The following ESR1 variants were observed in gnomAD, a reference collection of about 807,000 sequenced individuals.
The protein encoded by ESR1 is estrogen receptor.
In ESR1, 12 loss-of-function variants were observed where a neutral mutation model predicts 52.7. The observed-to-expected ratio is 0.23, with a 90% CI of 0.15 to 0.37. The LOEUF (loss-of-function observed/expected upper bound fraction) is 0.37. Among genes scored for constraint, ESR1 ranks in the 10% least tolerant of loss-of-function variants. ESR1 has a pLI of 1.00. For missense variants in ESR1, 584 were observed against 779.7 expected, an observed-to-expected ratio of 0.75 and a Z score of 2.99; for synonymous variants, 305 against 316.8, an observed-to-expected ratio of 0.96 and a Z score of 0.39.
At chr6:151,955,517 C>G (rs966770264) in intron 4 of ESR1, among the ~76,000 whole-genome samples, 1 of 152,018 alleles carries the variant, frequency 6.6e-6, no homozygotes, top group Non-Finnish European at 1.5e-5. Flanking sequence ...TTTCTCTTAT[C>G]TAAAACTTTA....
intron 6 of ESR1, among the ~76,000 whole-genome samples, chr6:152,080,026 T>A (rs2049061654): frequency 1.3e-5 from 2 of 152,270 alleles, no homozygotes; most frequent in East Asian, 1.9e-4. Context: ...ATTGGTGTAC[T>A]GGGAAGTGAT....
chr6:152,086,551 A>G lies in ESR1; in HGVS notation c.1370-7834A>G, dbSNP rs142907325. ...CATGTAAGATTTTTTTCTCAAGTCA[A>G]CTGAACCAGTTCATCAGTTTCACTA... On this transcript the variant is annotated intron_variant, in intron 6 of 7. Coordinates refer to ENST00000206249, the MANE Select transcript of ESR1 (RefSeq NM_000125.4). Among the ~76,000 whole-genome samples the G allele has an allele frequency of 8.0e-4, 121 of 151,470 alleles. 1 individual carries two copies. Among genetic ancestry groups the G allele is most frequent in the African/African-American group, 2.7e-3 (110 of 41,256 alleles).
At chr6:151,851,320 C>T (rs1034474616) in intron 2 of ESR1, among the ~76,000 whole-genome samples, 1 of 152,042 alleles carries the variant, frequency 6.6e-6, no homozygotes, top group African/African-American at 2.4e-5. Flanking sequence ...CCTGGGACCT[C>T]GATATTAGTT....
At chr6:151,853,221 AAGAAAGAAAG>A (rs1333325024) in intron 2 of ESR1, among the ~76,000 whole-genome samples, 4 of 150,018 alleles carry the variant, frequency 2.7e-5, no homozygotes, top group Non-Finnish European at 5.9e-5. Flanking sequence ...AAGAAGGAAA[AAGAAAGAAAG>A]AGAAAGAAAG....
chr6:152,047,054 C>A (rs1251619113), intron 5 of ESR1, among the ~76,000 whole-genome samples: 1 of 152,160 alleles, frequency 6.6e-6, no homozygotes, highest in Non-Finnish European at 1.5e-5. Flanking sequence ...TGGAATATCT[C>A]CAAACATCTT....
At chr6:151,702,292 C>T (rs1779857186) in intron 2 of ESR1, among the ~76,000 whole-genome samples, 1 of 152,074 alleles carries the variant, frequency 6.6e-6, no homozygotes, top group African/African-American at 2.4e-5. Context: ...AGAGGTTAAC[C>T]AATTTATTTA....
intron 1 of ESR1, among the ~76,000 whole-genome samples, chr6:151,827,474 G>T (rs1562448870): frequency 6.6e-6 from 1 of 152,082 alleles, no homozygotes; most frequent in African/African-American, 2.4e-5. Flanking sequence ...CCAATTAAAG[G>T]TTTGAAAGAG....
chr6:151,743,364 T>C (rs1015721610), intron 2 of ESR1, among the ~76,000 whole-genome samples: 10 of 152,206 alleles, frequency 6.6e-5, no homozygotes, highest in Admixed American at 4.6e-4. Flanking sequence ...AGCAATTTCA[T>C]GTGCAAAGTA....
chr6:151,857,308 T>TA (rs1470805039), intron 2 of ESR1, among the ~76,000 whole-genome samples: 1 of 152,188 alleles, frequency 6.6e-6, no homozygotes, highest in Non-Finnish European at 1.5e-5. Context: ...AGAGATGTTT[T>TA]AAGCTATATG....
intron 4 of ESR1, among the ~76,000 whole-genome samples, chr6:151,981,160 T>A (rs1011711482): frequency 6.6e-6 from 1 of 152,144 alleles, no homozygotes; most frequent in Non-Finnish European, 1.5e-5. Flanking sequence ...ATCTGTGGAG[T>A]GGTTCTAGTC....
At position 151,807,811 on chromosome 6, in the gene ESR1, G is replaced by A; in HGVS notation, c.-102G>A. 9.4e-7 allele frequency: 1 copy of A among 1,060,904 alleles called. No individual in the cohort carries two copies. 65.7% of individuals were successfully genotyped at this position (1,060,904 alleles called of 1,614,324 possible). A position where few individuals can be genotyped will look rare whatever the true frequency, so the allele number is the denominator to read the frequency against. On this transcript the variant is annotated 5_prime_UTR_variant, in exon 1 of 8. Coordinates refer to ENST00000206249, the MANE Select transcript of ESR1 (RefSeq NM_000125.4). ...GTGTCGGCGGGACATGCGCTGCGTC[G>A]CCTCTAACCTCGGGCTGTGCTCTTT...
intron 4 of ESR1, among the ~76,000 whole-genome samples, chr6:151,996,358 A>G (rs2041482744): frequency 6.6e-6 from 1 of 151,894 alleles, no homozygotes; most frequent in Non-Finnish European, 1.5e-5. Context: ...TATGTGTTCT[A>G]TTTGTTCCTG....
intron 2 of ESR1, among the ~76,000 whole-genome samples, chr6:151,711,702 GTTGT>G (rs1197112978): frequency 2.0e-5 from 3 of 152,122 alleles, no homozygotes; most frequent in East Asian, 1.9e-4. Context: ...TTTTGATGGG[GTTGT>G]TTGTTTTCTT....
chr6:151,771,263 C>T (rs1785489916), intron 2 of ESR1, among the ~76,000 whole-genome samples: 1 of 152,148 alleles, frequency 6.6e-6, no homozygotes, highest in African/African-American at 2.4e-5. Flanking sequence ...TATTGTTGTC[C>T]TCCTGATGGG....
At chr6:151,924,241 C>T (rs1360718333) in intron 3 of ESR1, among the ~76,000 whole-genome samples, 1 of 152,036 alleles carries the variant, frequency 6.6e-6, no homozygotes, top group East Asian at 1.9e-4. Context: ...TGGGGTTTCA[C>T]CATATTGGCC....
chr6:152,028,644 G>A (rs749695512), intron 5 of ESR1, among the ~76,000 whole-genome samples: 112 of 152,316 alleles, frequency 7.4e-4, no homozygotes, highest in Admixed American at 1.4e-3. Context: ...CAAAGTGGCT[G>A]GGAAGCTGGA....
At chr6:151,992,021 G>C (rs1405391832) in intron 4 of ESR1, among the ~76,000 whole-genome samples, 1 of 152,050 alleles carries the variant, frequency 6.6e-6, no homozygotes, top group Non-Finnish European at 1.5e-5. Context: ...CTGGTGTCGG[G>C]GAAGGCTTCT....
intron 5 of ESR1, among the ~76,000 whole-genome samples, chr6:152,045,216 T>G (rs1040851578): frequency 6.6e-6 from 1 of 152,160 alleles, no homozygotes; most frequent in Non-Finnish European, 1.5e-5. Context: ...GGGAAGAAGA[T>G]GCAAGAGCAG....
At chr6:152,025,277 T>A (rs189035930) in intron 5 of ESR1, among the ~76,000 whole-genome samples, 109 of 151,636 alleles carry the variant, frequency 7.2e-4, no homozygotes, top group African/African-American at 2.6e-3. Flanking sequence ...TTTTTTTTTT[T>A]CCTATGTCCT....
Sources: gnomAD v4.1 joint callset for allele counts (sites outside exome capture counted in the v4.1 genomes callset) on GRCh38, gnomAD v4.1.1 for gene constraint, MANE v1.5 for transcripts, NCBI Gene and HGNC (gene_info 2026-07-23, HGNC 2026-07-21) for gene names.